The following ACTR3C variants were observed in gnomAD, a reference collection of about 807,000 sequenced individuals.
ACTR3C encodes actin related protein 3C.
ACTR3C carries 18 observed loss-of-function variants against 26.3 expected under a neutral mutation model. That is an observed-to-expected ratio of 0.68 (90% CI 0.47 to 1.01). The LOEUF (loss-of-function observed/expected upper bound fraction) is 1.01. Ranked by LOEUF, ACTR3C falls within the 50% of genes least tolerant of loss-of-function variation. ACTR3C has a pLI of 0.00. For synonymous variants in ACTR3C, 55 were observed against 94.5 expected, an observed-to-expected ratio of 0.58 and a Z score of 2.42; for missense variants, 184 against 250.7, an observed-to-expected ratio of 0.73 and a Z score of 1.80.
chr7:149,933,076 G>A, the ACTR3C span, among the ~76,000 whole-genome samples: 43 of 89,496 alleles, frequency 4.8e-4, no homozygotes, highest in Non-Finnish European at 9.7e-4. Context: ...GGAAGAAGGC[G>A]TGCCCTGTAG....
chr7:150,148,184 A>G, the ACTR3C span, among the ~76,000 whole-genome samples: 52,914 of 144,382 alleles, frequency 0.37, 9,344 homozygotes, highest in Non-Finnish European at 0.42. Context: ...AGAAAAGGGG[A>G]AAAAAAAAAA....
chr7:150,042,603 G>C, the ACTR3C span, among the ~76,000 whole-genome samples: 2 of 149,356 alleles, frequency 1.3e-5, no homozygotes, highest in South Asian at 2.1e-4. Context: ...CACTGCGATG[G>C]GAGTCCCAAG....
At chr7:150,120,616 G>C in the ACTR3C span, among the ~76,000 whole-genome samples, 1 of 151,576 alleles carries the variant, frequency 6.6e-6, no homozygotes, top group Non-Finnish European at 1.5e-5. Flanking sequence ...CAAAAAAAAA[G>C]CCCAGGACCA....
At chr7:150,210,777 C>T in the ACTR3C span, among the ~76,000 whole-genome samples, 6 of 149,004 alleles carry the variant, frequency 4.0e-5, no homozygotes, top group African/African-American at 1.0e-4. Flanking sequence ...CATGAGGCAC[C>T]TTCTGGGAAT....
chr7:150,133,350 C>T, the ACTR3C span, among the ~76,000 whole-genome samples: 17 of 152,144 alleles, frequency 1.1e-4, no homozygotes, highest in South Asian at 2.1e-4. Flanking sequence ...GGTAATTCTA[C>T]GGGTTGTTGT....
intron 6 of ACTR3C, among the ~76,000 whole-genome samples, chr7:150,279,794 A>G (rs1357625016): frequency 6.6e-6 from 1 of 152,146 alleles, no homozygotes; most frequent in Non-Finnish European, 1.5e-5. Context: ...CCCTTCTCTC[A>G]ATTACCATAA....
At chr7:150,279,781 T>A (rs1248094133) in intron 6 of ACTR3C, among the ~76,000 whole-genome samples, 2 of 152,262 alleles carry the variant, frequency 1.3e-5, no homozygotes, top group East Asian at 1.9e-4. Flanking sequence ...AAATGCAATC[T>A]GCCCCTTCTC....
chr7:150,233,097 T>C, the ACTR3C span, among the ~76,000 whole-genome samples: 1 of 152,208 alleles, frequency 6.6e-6, no homozygotes, highest in Non-Finnish European at 1.5e-5. Context: ...CTGAACTTTA[T>C]CACCTTCCTT....
At chr7:149,961,330 G>A in the ACTR3C span, among the ~76,000 whole-genome samples, 2 of 151,964 alleles carry the variant, frequency 1.3e-5, no homozygotes, top group Admixed American at 1.3e-4. Context: ...TATGTGTTTA[G>A]AGGAAGTGCA....
At chr7:149,976,356 C>T in the ACTR3C span, among the ~76,000 whole-genome samples, 55 of 152,052 alleles carry the variant, frequency 3.6e-4, no homozygotes, top group African/African-American at 1.3e-3. Flanking sequence ...GGGCGGATCA[C>T]GAGGTCAGGA....
At chr7:150,281,729 A>G (rs1268766819) in intron 6 of ACTR3C, among the ~76,000 whole-genome samples, 2 of 152,334 alleles carry the variant, frequency 1.3e-5, no homozygotes, top group East Asian at 3.9e-4. Flanking sequence ...CAACCCGGAC[A>G]GTATTAGAAT....
At chr7:150,273,931 G>A (rs1474626610) in intron 6 of ACTR3C, among the ~76,000 whole-genome samples, 5 of 152,228 alleles carry the variant, frequency 3.3e-5, no homozygotes, top group Non-Finnish European at 7.3e-5. Context: ...CGTGCATCTC[G>A]TTCACCAGGT....
the ACTR3C span, among the ~76,000 whole-genome samples, chr7:150,078,706 G>A: frequency 2.0e-5 from 3 of 152,152 alleles, no homozygotes; most frequent in Non-Finnish European, 4.4e-5. Context: ...CAGATAGCTG[G>A]TAGGACATTA....
intron 6 of ACTR3C, among the ~76,000 whole-genome samples, chr7:150,259,023 C>T (rs201282616): frequency 0.041 from 5,552 of 135,200 alleles, 145 homozygotes; most frequent in East Asian, 0.11. Flanking sequence ...AATTCATATT[C>T]ACTTGGAAGG....
the ACTR3C span, among the ~76,000 whole-genome samples, chr7:149,925,135 C>CA: frequency 8.1e-3 from 1,203 of 148,588 alleles, 9 homozygotes; most frequent in Middle Eastern, 0.045. Context: ...TTTATGATAG[C>CA]AAAAAAAAAT....
chr7:150,203,412 G>T, the ACTR3C span, among the ~76,000 whole-genome samples: 1 of 152,212 alleles, frequency 6.6e-6, no homozygotes, highest in South Asian at 2.1e-4. Flanking sequence ...TATCAAGTAA[G>T]AAGCTGTGTC....
the ACTR3C span, among the ~76,000 whole-genome samples, chr7:150,126,655 A>T: frequency 6.6e-6 from 1 of 152,212 alleles, no homozygotes; most frequent in Non-Finnish European, 1.5e-5. Flanking sequence ...AATAGGCCCA[A>T]CAAGTGCTTT....
chr7:150,096,820 C>T, the ACTR3C span, among the ~76,000 whole-genome samples: 17 of 151,820 alleles, frequency 1.1e-4, no homozygotes, highest in African/African-American at 4.1e-4. Flanking sequence ...GTTCCAGGGC[C>T]TGTTCTGAGC....
the ACTR3C span, among the ~76,000 whole-genome samples, chr7:150,206,422 A>AT: frequency 2.6e-5 from 4 of 151,338 alleles, no homozygotes; most frequent in South Asian, 4.2e-4. Flanking sequence ...TTTTATTATT[A>AT]TTTTTTTTGA....
Sources: allele counts gnomAD v4.1 joint callset (sites outside exome capture counted in the v4.1 genomes callset), GRCh38; gene constraint gnomAD v4.1.1; transcripts MANE v1.5; gene names NCBI Gene and HGNC (gene_info 2026-07-23, HGNC 2026-07-21).